The following KDM2B variants were observed in gnomAD, a reference collection of about 807,000 sequenced individuals.
The protein encoded by KDM2B is lysine demethylase 2B.
Under a neutral mutation model 150.0 loss-of-function variants are expected in KDM2B, and 26 were observed. That is an observed-to-expected ratio of 0.17 (90% CI 0.13 to 0.24). The LOEUF is 0.24. Ranked by LOEUF, KDM2B falls within the 10% of genes least tolerant of loss-of-function variation. The pLI is 1.00. For missense variants in KDM2B, 1,265 were observed against 1,816.9 expected, an observed-to-expected ratio of 0.70 and a Z score of 5.52; for synonymous variants, 734 against 729.5, an observed-to-expected ratio of 1.01 and a Z score of -0.10.
chr12:121,439,853 T>C lies in KDM2B; in HGVS notation c.3829+4A>G. 4 of 1,613,624 alleles carry C rather than the reference T, an allele frequency of 2.5e-6. No homozygotes were observed. The East Asian group carries it at 6.7e-5, about 27-fold the overall frequency. Reference sequence around the variant, plus strand: ...GGCAGACCCGATGGGGGCCCCTGACTCACCAGACAGGTTGATCTCGGTTAA... The same window carrying C: ...GGCAGACCCGATGGGGGCCCCTGACCCACCAGACAGGTTGATCTCGGTTAA... On this transcript the variant is annotated splice_donor_region_variant and intron_variant, in intron 22 of 22. Transcript: ENST00000377071.
chr12:121,551,678 G>A lies in KDM2B; in HGVS notation c.398-2040C>T, dbSNP rs139630763. Among the ~76,000 whole-genome samples the A allele has an allele frequency of 3.0e-3, 461 of 152,098 alleles. 5 individuals carry two copies. Among genetic ancestry groups the A allele is most frequent in the African/African-American group, 0.011 (441 of 41,478 alleles). On this transcript the variant is annotated intron_variant, in intron 4 of 22. Transcript: ENST00000377071. ...AGTGATTCTCCTGCCTCAGCCTCCC[G>A]AGCAGCTGGAATTAAGGGCGTGCAC...
chr12:121,506,830 GGAGGCT>G (rs1885114783), intron 11 of KDM2B, among the ~76,000 whole-genome samples: 1 of 152,164 alleles, frequency 6.6e-6, no homozygotes, highest in Admixed American at 6.6e-5. Flanking sequence ...CAGCTACTAG[GGAGGCT>G]GAGGCAGGAG....
At chr12:121,482,507 G>C (rs971984922) in intron 12 of KDM2B, among the ~76,000 whole-genome samples, 38 of 151,888 alleles carry the variant, frequency 2.5e-4, no homozygotes, top group African/African-American at 9.2e-4. Flanking sequence ...TCACCATGTT[G>C]TCCAGGATGG....
At chr12:121,489,283 T>C (rs1185892742) in intron 12 of KDM2B, among the ~76,000 whole-genome samples, 1 of 151,850 alleles carries the variant, frequency 6.6e-6, no homozygotes, top group African/African-American at 2.4e-5. Flanking sequence ...TATTTATTTA[T>C]TTTTGAGACA....
chr12:121,439,783 C>G, intron 22 of KDM2B, 74 bp downstream of exon 22: 2 of 1,122,842 alleles, frequency 1.8e-6, no homozygotes, highest in Non-Finnish European at 2.7e-6. Flanking sequence ...ACACACGAAT[C>G]GTTTTCCACA....
At chr12:121,524,448 C>T (rs1391543403) in intron 8 of KDM2B, among the ~76,000 whole-genome samples, 8 of 152,180 alleles carry the variant, frequency 5.3e-5, no homozygotes, top group Non-Finnish European at 1.5e-5. Flanking sequence ...GCTGCTGCTG[C>T]GAGGAGGGGG....
intron 17 of KDM2B, 67 bp from the exon 18 acceptor site, chr12:121,443,097 C>T (rs150954147): frequency 0.011 from 16,737 of 1,465,562 alleles, 110 homozygotes; most frequent in Non-Finnish European, 0.013. Flanking sequence ...TCCTCGACAC[C>T]CCACCCCACC....
intron 4 of KDM2B, among the ~76,000 whole-genome samples, chr12:121,558,455 CTT>C (rs62698361): frequency 8.9e-5 from 12 of 135,488 alleles, no homozygotes; most frequent in Admixed American, 3.0e-4. Flanking sequence ...TTTTCTTTTT[CTT>C]TTTTTTTTTT....
intron 4 of KDM2B, among the ~76,000 whole-genome samples, chr12:121,557,530 G>A (rs1233058895): frequency 3.3e-5 from 5 of 152,032 alleles, no homozygotes; most frequent in South Asian, 2.1e-4. Flanking sequence ...GTGAGCCACC[G>A]TGCCCAGCCA....
intron 12 of KDM2B, among the ~76,000 whole-genome samples, chr12:121,479,452 G>A (rs1331245953): frequency 8.0e-6 from 1 of 125,398 alleles, no homozygotes; most frequent in African/African-American, 3.4e-5. Context: ...GGGCGACAGA[G>A]CGAGACCCTG....
rs199793423 is a variant in KDM2B at position 121,510,033 on chromosome 12, G to A, written c.1181C>T (p.Pro394Leu). 169 of 1,546,120 alleles carry A rather than the reference G, an allele frequency of 1.1e-4. No individual in the cohort carries two copies. Among genetic ancestry groups the A allele is most frequent in the Admixed American group, 2.0e-4 (10 of 50,782 alleles). ...YQRESMLIDA[P>L]RKPSIDGFSS... Reference sequence around the variant, plus strand: ...GAAGCCGTCTATGCTGGGCTTCCTCGGGGCATCTGTGGGGGCAGGGTCACA... The same window carrying A: ...GAAGCCGTCTATGCTGGGCTTCCTCAGGGCATCTGTGGGGGCAGGGTCACA... The change falls in exon 11 of 23, where the codon CCG (proline) becomes CTG (leucine). Residue 394 changes from proline (P) to leucine (L), a missense_variant. Physicochemically the swap from Pro to Leu is moderately conservative, Grantham distance 98 (BLOSUM62 -3). This residue lies in a region of KDM2B where 154 missense variants were observed against 162.5 expected (regional missense o/e 0.95). Coordinates refer to ENST00000377071, the MANE Select transcript of KDM2B (RefSeq NM_032590.5).
chr12:121,436,386 T>TGGC (rs1873979988), intron 22 of KDM2B, among the ~76,000 whole-genome samples: 1 of 151,988 alleles, frequency 6.6e-6, no homozygotes, highest in Non-Finnish European at 1.5e-5. Context: ...CTGGGCGTGG[T>TGGC]GGCGGGCACC....
chr12:121,411,433 A>G, the KDM2B span, among the ~76,000 whole-genome samples: 25 of 152,262 alleles, frequency 1.6e-4, no homozygotes, highest in Admixed American at 5.9e-4. Context: ...AGAGCTGTGT[A>G]GTTGAAAAAA....
intron 11 of KDM2B, among the ~76,000 whole-genome samples, chr12:121,497,663 C>A (rs551677185): frequency 5.9e-5 from 9 of 152,092 alleles, no homozygotes; most frequent in African/African-American, 2.2e-4. Context: ...CTACAAAATG[C>A]CTGAACAGAT....
intron 4 of KDM2B, among the ~76,000 whole-genome samples, chr12:121,574,116 G>C (rs1183925183): frequency 1.3e-5 from 2 of 152,168 alleles, no homozygotes; most frequent in Non-Finnish European, 1.5e-5. Flanking sequence ...ATGTGCATTT[G>C]CTGAGCTCGC....
At chr12:121,474,014 A>G (rs1555296323) in intron 12 of KDM2B, among the ~76,000 whole-genome samples, 3 of 152,212 alleles carry the variant, frequency 2.0e-5, no homozygotes, top group Non-Finnish European at 4.4e-5. Context: ...CATTTATATG[A>G]AAAGTCCAGA....
At chr12:121,455,152 G>T (rs1172708554) in intron 12 of KDM2B, among the ~76,000 whole-genome samples, 1 of 152,150 alleles carries the variant, frequency 6.6e-6, no homozygotes, top group Admixed American at 6.6e-5. Flanking sequence ...AGCCCGAGTG[G>T]CCCCTCAGGA....
Position 121,429,879 on chromosome 12 carries a change from C to A in KDM2B, c.*409G>T. 1.7e-6 allele frequency: 1 copy of A among 576,954 alleles called. No individual in the cohort carries two copies. The highest frequency in any genetic ancestry group is 2.8e-5 in the East Asian group (1 of 36,000). The allele number at this position is 576,954 out of a possible 1,614,324, so 35.7% of individuals were successfully genotyped here. On this transcript the variant is annotated 3_prime_UTR_variant, in exon 23 of 23. Transcript: ENST00000377071. ...ACAAAAAAAAGTGTCAAGACGGCAGCAGATGTGGTGTGTGGTCCACTTTAT... is the reference window on the plus strand; with the variant it reads ...ACAAAAAAAAGTGTCAAGACGGCAGAAGATGTGGTGTGTGGTCCACTTTAT...
intron 12 of KDM2B, among the ~76,000 whole-genome samples, chr12:121,466,087 C>T (rs1169497466): frequency 6.6e-6 from 1 of 151,756 alleles, no homozygotes; most frequent in African/African-American, 2.4e-5. Context: ...ACGTATAATA[C>T]GATTTAAGCG....
Sources: gnomAD v4.1 joint callset for allele counts (sites outside exome capture counted in the v4.1 genomes callset) on GRCh38, gnomAD v4.1.1 for gene constraint, gnomAD v4.1.1 regional missense constraint, MANE v1.5 for transcripts, NCBI Gene and HGNC (gene_info 2026-07-23, HGNC 2026-07-21) for gene names.